Variants in ZCRB1 observed in about 807,000 individuals in gnomAD.
ZCRB1 encodes zinc finger CCHC-type and RNA binding motif containing 1, also known as zinc finger CCHC-type and RNA-binding motif-containing protein 1.
Under a neutral mutation model 29.9 loss-of-function variants are expected in ZCRB1, and 21 were observed. That is an observed-to-expected ratio of 0.70 (90% CI 0.50 to 1.01). ZCRB1 has a LOEUF of 1.01. Among genes scored for constraint, ZCRB1 ranks in the 50% least tolerant of loss-of-function variants. ZCRB1 has a pLI of 0.00. For missense variants in ZCRB1, 204 were observed against 253.3 expected (o/e 0.81, Z 1.32); for synonymous variants, 77 against 80.0 (o/e 0.96, Z 0.20).
In ZCRB1 at chr12:42,317,366, C is replaced by G; in HGVS notation, c.307G>C (p.Asp103His). The G allele has an allele frequency of 6.2e-7, 1 of 1,612,160 alleles. No individual in the cohort carries two copies. Among genetic ancestry groups the G allele is most frequent in the Admixed American group, 1.7e-5 (1 of 59,692 alleles). ...CCACATTCATAACACTTAGATTTAT[C>G]AAAGTAGTTTCGCCTTCGGATGAAC... is the stretch of plus-strand genomic sequence containing the variant. ...AEFIRRRNYF[D>H]KSKCYECGES... Residue 103 changes from aspartate (D) to histidine (H), a missense_variant, in exon 5 of 8, where the codon GAT becomes CAT. Asp to His is a moderately conservative substitution (Grantham distance 81). Coordinates refer to ENST00000266529, the MANE Select transcript of ZCRB1 (RefSeq NM_033114.4).
intron 3 of ZCRB1, among the ~76,000 whole-genome samples, chr12:42,320,620 G>T (rs956704124): frequency 3.9e-5 from 6 of 151,994 alleles, no homozygotes; most frequent in Non-Finnish European, 7.4e-5. Flanking sequence ...GCTACTTTTT[G>T]TATTTTTTGT....
chr12:42,313,182 T>C lies in ZCRB1; in HGVS notation c.539A>G (p.Glu180Gly), dbSNP rs142955817. ...AIAFQQAKIEEEQKKWKPSSG... is the reference protein window; with the variant it reads ...AIAFQQAKIEGEQKKWKPSSG... ...ACTGGGTTTCCATTTTTTTTGTTCT[T>C]CTTCAATTTTGGCTTGCTGTGATTC... Residue 180 changes from glutamate (E) to glycine (G), a missense_variant, in exon 8 of 8, where the codon GAA becomes GGA. Glu to Gly is a moderately conservative substitution (Grantham distance 98). Coordinates refer to ENST00000266529, the MANE Select transcript of ZCRB1 (RefSeq NM_033114.4). The C allele has an allele frequency of 2.4e-4, 380 of 1,610,756 alleles. 1 individual carries two copies. The highest frequency in any genetic ancestry group is 2.6e-4 in the Non-Finnish European group (311 of 1,178,934).
chr12:42,313,589 G>A lies in ZCRB1; in HGVS notation c.522+101C>T, dbSNP rs1309597265. 5 of 1,267,642 alleles carry A rather than the reference G, an allele frequency of 3.9e-6. No homozygotes were observed. The East Asian group carries it at 7.0e-5, about 18-fold the overall frequency. 78.5% of individuals were successfully genotyped at this position (1,267,642 alleles called of 1,614,324 possible). On this transcript the variant is annotated intron_variant, in intron 7 of 7. Transcript: ENST00000266529. Reference sequence around the variant, plus strand: ...TGTCTCCTAAGGCTTAGGAGGTTAGGGGGAAAAAGAGAGGTTGCCATGAGG... The same window carrying A: ...TGTCTCCTAAGGCTTAGGAGGTTAGAGGGAAAAAGAGAGGTTGCCATGAGG...
At chr12:42,322,807 G>A (rs934297502) in intron 2 of ZCRB1, among the ~76,000 whole-genome samples, 5 of 152,160 alleles carry the variant, frequency 3.3e-5, no homozygotes, top group African/African-American at 1.2e-4. Context: ...TGCTTCAAAT[G>A]TCAATCTTAT....
rs1363011700 is a variant in ZCRB1 at position 42,313,927 on chromosome 12, T to C, written c.393A>G (p.Pro131=). The C allele has an allele frequency of 6.2e-7, 1 of 1,605,876 alleles. No individual in the cohort carries two copies. The highest frequency in any genetic ancestry group is 8.5e-7 in the Non-Finnish European group (1 of 1,178,450). The change falls in exon 6 of 8, where the codon CCA becomes CCG. Residue 131 remains proline, a synonymous_variant. Coordinates refer to ENST00000266529, the MANE Select transcript of ZCRB1 (RefSeq NM_033114.4). ...PKNMLGEREP[P]KKKEKKKKKK... The stretch of plus-strand genomic sequence containing the variant: ...TTTTTTTCTTTTTTTCTTTCTTCTT[T>C]GGAGGCTCACGTTCTCCGAGCATAT...
chr12:42,313,177 G>C lies in ZCRB1; in HGVS notation c.544C>G (p.Gln182Glu). The change falls in exon 8 of 8, where the codon CAA (glutamine) becomes GAA (glutamate). Residue 182 changes from glutamine to glutamate, a missense_variant. Gln to Glu is a conservative substitution (Grantham distance 29, BLOSUM62 2). Transcript: ENST00000266529. ...CCTGAACTGGGTTTCCATTTTTTTTGTTCTTCTTCAATTTTGGCTTGCTGT... is the reference window on the plus strand; with the variant it reads ...CCTGAACTGGGTTTCCATTTTTTTTCTTCTTCTTCAATTTTGGCTTGCTGT... ...AFQQAKIEEEQKKWKPSSGVP... is the reference protein window; with the variant it reads ...AFQQAKIEEEEKKWKPSSGVP... The C allele has an allele frequency of 1.9e-6, 3 of 1,606,520 alleles. No homozygotes were observed. Among genetic ancestry groups the C allele is most frequent in the Non-Finnish European group, 2.5e-6 (3 of 1,177,058 alleles).
intron 7 of ZCRB1, 26 bp downstream of exon 7, chr12:42,313,664 T>C (rs2068579935): frequency 5.0e-6 from 8 of 1,608,474 alleles, no homozygotes; most frequent in Non-Finnish European, 6.8e-6. Context: ...TATTGTATGA[T>C]GCCTTTTAAA....
At chr12:42,314,015 A>G in intron 5 of ZCRB1, 29 bp from the exon 6 acceptor site, 1 of 1,570,766 alleles carries the variant, frequency 6.4e-7, no homozygotes, top group East Asian at 2.2e-5. Flanking sequence ...AAGGAAAGGA[A>G]AAATACCATA....
Position 42,313,100 on chromosome 12 carries a change from T to G in ZCRB1, c.621A>C (p.Thr207=), listed in dbSNP as rs200707035. The change falls in exon 8 of 8, where the codon ACA becomes ACC. Residue 207 remains threonine, a synonymous_variant. Transcript: ENST00000266529. ...DSRRPRIKKS[T]YFSDEEELSD is the part of the protein sequence containing the mutation. ...TAAGTTCTTCCTCATCACTGAAATA[T>G]GTGCTTTTCTTTATCCTTGGGCGTC... 1 of 1,610,918 alleles carries G rather than the reference T, an allele frequency of 6.2e-7. No homozygotes were observed. The highest frequency in any genetic ancestry group is 1.3e-5 in the African/African-American group (1 of 74,878).
chr12:42,313,517 A>T (rs1028703153), intron 7 of ZCRB1, among the ~76,000 whole-genome samples, 173 bp downstream of exon 7: 6 of 152,204 alleles, frequency 3.9e-5, no homozygotes, highest in African/African-American at 7.2e-5. Context: ...GGAAGAACCA[A>T]TGGGAACTTT....
Position 42,313,059 on chromosome 12 carries a change from G to A in ZCRB1, c.*8C>T, listed in dbSNP as rs1175056195. On this transcript the variant is annotated 3_prime_UTR_variant, in exon 8 of 8. Transcript: ENST00000266529. ...TCTTGATTTTTATTACTGTGCTGGG[G>A]CAAGATTTTAATCACTAAGTTCTTC... 6.3e-7 allele frequency: 1 copy of A among 1,582,572 alleles called. No individual in the cohort carries two copies. The highest frequency in any genetic ancestry group is 8.6e-7 in the Non-Finnish European group (1 of 1,167,438).
At chr12:42,322,125 A>G (rs2068624711) in intron 3 of ZCRB1, among the ~76,000 whole-genome samples, 1 of 152,186 alleles carries the variant, frequency 6.6e-6, no homozygotes. Context: ...AGTAACCAAA[A>G]TATTTGTTTA....
In ZCRB1 at chr12:42,317,822, C is replaced by T. The variant is rs977727528; in HGVS notation, c.190G>A (p.Ala64Thr). The T allele has an allele frequency of 2.5e-6, 4 of 1,613,402 alleles. No individual in the cohort carries two copies. The highest frequency in any genetic ancestry group is 3.4e-6 in the Non-Finnish European group (4 of 1,179,878). ...TTTATTGCCCTGGTACAGTTTTGTG[C>T]AGAGTCTTTATCCAAAAATAAAATA... ...AFILFLDKDS[A>T]QNCTRAINNK... is the part of the protein sequence containing the mutation. Residue 64 changes from alanine to threonine, a missense_variant, in exon 4 of 8, where the codon GCA becomes ACA. Coordinates refer to ENST00000266529, the MANE Select transcript of ZCRB1 (RefSeq NM_033114.4).
rs141840157 is a variant in ZCRB1, at chr12:42,322,020, G to GT, written c.113+397dup. Among the ~76,000 whole-genome samples, 1,429 of 151,894 alleles carry GT rather than the reference G, an allele frequency of 9.4e-3. 22 individuals carry two copies. The highest frequency in any genetic ancestry group is 0.032 in the African/African-American group (1,331 of 41,418). ...GCAAGTCAGATGCACTGAAATATTT[G>GT]TTTTTACACTATTTATATGAAAAAA... is the stretch of plus-strand genomic sequence containing the variant. On this transcript the variant is annotated intron_variant, in intron 3 of 7. Transcript: ENST00000266529.
Position 42,313,120 on chromosome 12 carries a change from G to A in ZCRB1, c.601C>T (p.Pro201Ser), listed in dbSNP as rs2068577469. ...AAATATGTGCTTTTCTTTATCCTTG[G>A]GCGTCTTGAATCATCTGATGTTGAG... ...VPSTSDDSRRPRIKKSTYFSD... is the reference protein window; with the variant it reads ...VPSTSDDSRRSRIKKSTYFSD... The change falls in exon 8 of 8, where the codon CCA (proline) becomes TCA (serine). Residue 201 changes from proline to serine, a missense_variant. By Grantham distance (74) the Pro-to-Ser change is moderately conservative. Coordinates refer to ENST00000266529, the MANE Select transcript of ZCRB1 (RefSeq NM_033114.4). 1 of 1,610,646 alleles carries A rather than the reference G, an allele frequency of 6.2e-7. No individual in the cohort carries two copies. Among genetic ancestry groups the A allele is most frequent in the South Asian group, 1.1e-5 (1 of 90,430 alleles).
Position 42,317,858 on chromosome 12 carries a change from C to A in ZCRB1, c.154G>T (p.Gly52Trp), listed in dbSNP as rs1026105639. 1 of 1,613,760 alleles carries A rather than the reference C, an allele frequency of 6.2e-7. No homozygotes were observed. Among genetic ancestry groups the A allele is most frequent in the African/African-American group, 1.3e-5 (1 of 74,900 alleles). Residue 52 changes from glycine to tryptophan, a missense_variant, in exon 4 of 8, where the codon GGG (glycine) becomes TGG (tryptophan). Coordinates refer to ENST00000266529, the MANE Select transcript of ZCRB1 (RefSeq NM_033114.4). ...TCCAAAAATAAAATAAATGCAACCC[C>A]TTTACTCTTCCTGGTATCTTTATCT... ...MKDKDTRKSK[G>W]VAFILFLDKD... is the part of the protein sequence containing the mutation.
chr12:42,317,024 T>G (rs147684842), intron 5 of ZCRB1, among the ~76,000 whole-genome samples: 1 of 151,940 alleles, frequency 6.6e-6, no homozygotes, highest in African/African-American at 2.4e-5. Context: ...CTGGGCAACA[T>G]AGGAAGACCC....
rs774555988 is a variant in ZCRB1, at chr12:42,317,880, A to T, written c.132T>A (p.Asp44Glu). Residue 44 changes from aspartate to glutamate, a missense_variant, in exon 4 of 8, where the codon GAT becomes GAA. Coordinates refer to ENST00000266529, the MANE Select transcript of ZCRB1 (RefSeq NM_033114.4). ...GKVVKVTIMK[D>E]KDTRKSKGVA... ...CCCCTTTACTCTTCCTGGTATCTTTATCTTTCATGATGGTAACCCTTAAAG... is the reference window on the plus strand; with the variant it reads ...CCCCTTTACTCTTCCTGGTATCTTTTTCTTTCATGATGGTAACCCTTAAAG... 4.1e-5 allele frequency: 66 copies of T among 1,613,458 alleles called. No homozygotes were observed. The highest frequency in any genetic ancestry group is 5.3e-5 in the Non-Finnish European group (63 of 1,179,648).
intron 1 of ZCRB1, chr12:42,325,407 A>ATT (rs1359051015): frequency 6.6e-6 from 1 of 152,238 alleles, no homozygotes; most frequent in Admixed American, 6.5e-5. Context: ...AAATTATGAA[A>ATT]TGATACATTA....
Sources: gnomAD v4.1 joint callset for allele counts (sites outside exome capture counted in the v4.1 genomes callset) on GRCh38, gnomAD v4.1.1 for gene constraint, MANE v1.5 for transcripts, NCBI Gene and HGNC (gene_info 2026-07-23, HGNC 2026-07-21) for gene names.